The following CDC14B variants were observed in gnomAD, a reference collection of about 807,000 sequenced individuals.
CDC14B encodes the protein dual specificity protein phosphatase CDC14B.
CDC14B carries 22 observed loss-of-function variants against 64.2 expected under a neutral mutation model. The ratio of observed to expected loss-of-function variants is 0.34; its 90% CI spans 0.24 to 0.49. CDC14B has a LOEUF of 0.49. Among genes scored for constraint, CDC14B ranks in the 20% least tolerant of loss-of-function variants. CDC14B has a pLI of 0.99. For missense variants in CDC14B, 498 were observed against 629.9 expected (o/e 0.79, Z 2.24); for synonymous variants, 191 against 215.8 (o/e 0.89, Z 1.01).
At chr9:96,522,469 A>T in intron 12 of CDC14B, 37 bp downstream of exon 12, 1 of 1,359,252 alleles carries the variant, frequency 7.4e-7, no homozygotes, top group Non-Finnish European at 1.1e-6. Context: ...CACACATATG[A>T]AGAAACATCA....
At chr9:96,598,856 A>C (rs1588055131) in intron 1 of CDC14B, among the ~76,000 whole-genome samples, 1 of 152,236 alleles carries the variant, frequency 6.6e-6, no homozygotes, top group East Asian at 1.9e-4. Flanking sequence ...AATCCACATG[A>C]GTATCAATAA....
intron 7 of CDC14B, among the ~76,000 whole-genome samples, chr9:96,537,526 T>C (rs1313695681): frequency 6.6e-6 from 1 of 152,134 alleles, no homozygotes; most frequent in Non-Finnish European, 1.5e-5. Flanking sequence ...CTGATGGAGC[T>C]AAGATTACAC....
intron 1 of CDC14B, among the ~76,000 whole-genome samples, chr9:96,615,782 T>C (rs2119080192): frequency 6.6e-6 from 1 of 152,300 alleles, no homozygotes; most frequent in Non-Finnish European, 1.5e-5. Flanking sequence ...AACCTGTATA[T>C]GAATGTTCAC....
chr9:96,496,709 C>CGGTG (rs1833258175), downstream of CDC14B, among the ~76,000 whole-genome samples: 1 of 152,260 alleles, frequency 6.6e-6, no homozygotes. Flanking sequence ...CCCTGAAGTC[C>CGGTG]CCGCTGGAGG....
chr9:96,516,988 A>G (rs1377413632), intron 12 of CDC14B, among the ~76,000 whole-genome samples: 2 of 150,338 alleles, frequency 1.3e-5, no homozygotes, highest in Non-Finnish European at 2.9e-5. Context: ...GGGTTTCTCC[A>G]TGTTGGTTAG....
In CDC14B at chr9:96,564,833, G is replaced by T; in HGVS notation, c.271C>A (p.Pro91Thr). 1 of 1,602,466 alleles carries T rather than the reference G, an allele frequency of 6.2e-7. No individual in the cohort carries two copies. The highest frequency in any genetic ancestry group is 8.5e-7 in the Non-Finnish European group (1 of 1,173,648). The change falls in exon 3 of 14, where the codon CCA (proline) becomes ACA (threonine). Residue 91 changes from proline (P) to threonine (T), a missense_variant. Pro to Thr is a conservative substitution (Grantham distance 38). Transcript: ENST00000375241. ...EYENFYADFG[P>T]LNLAMVYRYC... ...CTGTAAACCATTGCCAGATTGAGTGGTCCAAAATCTGCGTAGAAGCTTTAA... is the reference window on the plus strand; with the variant it reads ...CTGTAAACCATTGCCAGATTGAGTGTTCCAAAATCTGCGTAGAAGCTTTAA...
intron 1 of CDC14B, among the ~76,000 whole-genome samples, chr9:96,594,702 G>C (rs1246607671): frequency 6.1e-5 from 7 of 114,838 alleles, no homozygotes; most frequent in African/African-American, 2.4e-4. Context: ...GGGCAACAGA[G>C]CAAGGCTGTC....
rs765869334 is a variant in CDC14B, at chr9:96,523,721, G to T, written c.951C>A (p.Gly317=). ...EGAIAVHCKA[G]LGRTGTLIAC... is the part of the protein sequence containing the mutation. ...CTATCAGAGTGCCCGTGCGACCAAG[G>T]CCAGCTAGGAAAATAAAGAAGCACA... is the stretch of plus-strand genomic sequence containing the variant. The change falls in exon 10 of 14, where the codon GGC becomes GGA. Residue 317 remains glycine (G), a synonymous_variant. Coordinates refer to ENST00000375241, the MANE Select transcript of CDC14B (RefSeq NM_033331.4). 1.9e-6 allele frequency: 3 copies of T among 1,611,296 alleles called. No homozygotes were observed. The highest frequency in any genetic ancestry group is 3.3e-5 in the Admixed American group (2 of 59,850).
intron 1 of CDC14B, among the ~76,000 whole-genome samples, chr9:96,587,238 C>T (rs998595459): frequency 6.6e-6 from 1 of 152,088 alleles, no homozygotes; most frequent in Non-Finnish European, 1.5e-5. Context: ...CCACCTAAAA[C>T]ATCACCATCC....
intron 13 of CDC14B, among the ~76,000 whole-genome samples, chr9:96,507,622 G>A (rs1834342486): frequency 6.6e-6 from 1 of 151,922 alleles, no homozygotes; most frequent in South Asian, 2.1e-4. Context: ...CACCATCTTG[G>A]CCAGGCTGGT....
chr9:96,547,656 C>G (rs1448047583), intron 5 of CDC14B, among the ~76,000 whole-genome samples: 1 of 152,054 alleles, frequency 6.6e-6, no homozygotes, highest in Non-Finnish European at 1.5e-5. Flanking sequence ...TCTTGCTATG[C>G]TGCAAGGCTG....
At chr9:96,548,027 G>A (rs1236183168) in intron 5 of CDC14B, among the ~76,000 whole-genome samples, 3 of 151,922 alleles carry the variant, frequency 2.0e-5, no homozygotes, top group Admixed American at 6.6e-5. Flanking sequence ...GGGTTTCACC[G>A]TGTTAGCCAG....
intron 6 of CDC14B, among the ~76,000 whole-genome samples, chr9:96,540,702 G>A (rs1839929782): frequency 6.6e-6 from 1 of 151,980 alleles, no homozygotes; most frequent in African/African-American, 2.4e-5. Flanking sequence ...TCTTTTTAAA[G>A]GTGAGTGTGC....
intron 12 of CDC14B, among the ~76,000 whole-genome samples, chr9:96,516,652 G>A (rs1325288931): frequency 1.3e-5 from 2 of 151,908 alleles, no homozygotes; most frequent in Non-Finnish European, 2.9e-5. Flanking sequence ...GCTAAGTACT[G>A]TATTTTTAAT....
At chr9:96,529,169 G>A (rs1838037610) in intron 9 of CDC14B, among the ~76,000 whole-genome samples, 1 of 152,120 alleles carries the variant, frequency 6.6e-6, no homozygotes, top group South Asian at 2.1e-4. Context: ...CTAATGTCAT[G>A]AAGTTTTCAC....
At chr9:96,605,498 T>G (rs1293010499) in intron 1 of CDC14B, among the ~76,000 whole-genome samples, 1 of 152,272 alleles carries the variant, frequency 6.6e-6, no homozygotes, top group Non-Finnish European at 1.5e-5. Flanking sequence ...CTAACTCCAT[T>G]CCCACAGTAG....
In CDC14B at chr9:96,619,452, AGCCCCGCGCGGGCGCTCGG is replaced by A; in HGVS notation, c.-93_-75del. ...CCGCGCGCCCGCCGAGGCTCCCGCCAGCCCCGCGCGGGCGCTCGGGGCGGCGGGCGCAGAGCGGCGCTGC... is the reference window on the plus strand; with the variant it reads ...CCGCGCGCCCGCCGAGGCTCCCGCCAGGCGGCGGGCGCAGAGCGGCGCTGC... On this transcript the variant is annotated 5_prime_UTR_variant, in exon 1 of 14. Transcript: ENST00000375241. 1 of 908,432 alleles carries A rather than the reference AGCCCCGCGCGGGCGCTCGG, an allele frequency of 1.1e-6. No homozygotes were observed. The highest frequency in any genetic ancestry group is 1.3e-6 in the Non-Finnish European group (1 of 760,646). 56.3% of individuals were successfully genotyped at this position (908,432 alleles called of 1,614,324 possible).
intron 2 of CDC14B, 101 bp from the exon 3 acceptor site, chr9:96,564,953 T>C (rs1843706354): frequency 1.3e-5 from 9 of 705,282 alleles, no homozygotes; most frequent in Admixed American, 8.5e-5. Context: ...AGCAAGCATA[T>C]ACCAAATTGT....
At chr9:96,570,302 GGGA>G (rs1248505183) in intron 1 of CDC14B, among the ~76,000 whole-genome samples, 1 of 152,152 alleles carries the variant, frequency 6.6e-6, no homozygotes, top group South Asian at 2.1e-4. Context: ...AGGAGTCGGT[GGGA>G]ATTATAATAC....
Sources: allele counts gnomAD v4.1 joint callset (sites outside exome capture counted in the v4.1 genomes callset), GRCh38; gene constraint gnomAD v4.1.1; transcripts MANE v1.5; gene names NCBI Gene and HGNC (gene_info 2026-07-23, HGNC 2026-07-21).